The following VWA3B variants were observed in gnomAD, a reference collection of about 807,000 sequenced individuals.
VWA3B encodes the protein von Willebrand factor A domain containing 3B.
In VWA3B, 138 loss-of-function variants were observed where a neutral mutation model predicts 158.3. That is an observed-to-expected ratio of 0.87 (90% confidence interval 0.76 to 1.00). VWA3B has a LOEUF of 1.00. VWA3B is among the 50% of genes least tolerant of loss of function. The pLI is 0.00. For missense variants in VWA3B, 1,555 were observed against 1,565.1 expected, an observed-to-expected ratio of 0.99 and a Z score of 0.11; for synonymous variants, 596 against 587.3, an observed-to-expected ratio of 1.01 and a Z score of -0.21.
chr2:98,305,960 T>C (rs1222679908), intron 26 of VWA3B, among the ~76,000 whole-genome samples: 2 of 152,152 alleles, frequency 1.3e-5, no homozygotes, highest in African/African-American at 2.4e-5. Flanking sequence ...GGCCCAGACC[T>C]GCCTACCTTG....
intron 8 of VWA3B, among the ~76,000 whole-genome samples, chr2:98,174,864 CA>C (rs1316921032): frequency 1.3e-5 from 2 of 152,216 alleles, no homozygotes; most frequent in Non-Finnish European, 2.9e-5. Flanking sequence ...CTGATACACA[CA>C]CAGCTCCTCA....
At chr2:98,212,456 G>A (rs1375895401) in intron 13 of VWA3B, among the ~76,000 whole-genome samples, 1 of 152,162 alleles carries the variant, frequency 6.6e-6, no homozygotes, top group East Asian at 1.9e-4. Context: ...ACAAAAACAT[G>A]CCTTTCTAGC....
At chr2:98,094,818 A>C (rs1469962332) in intron 2 of VWA3B, among the ~76,000 whole-genome samples, 1 of 152,140 alleles carries the variant, frequency 6.6e-6, no homozygotes, top group Non-Finnish European at 1.5e-5. Context: ...ATAAGGGCCT[A>C]ATTTTGTTAT....
At chr2:98,323,279 G>T in the VWA3B span, among the ~76,000 whole-genome samples, 21 of 152,064 alleles carry the variant, frequency 1.4e-4, no homozygotes, top group African/African-American at 5.1e-4. Context: ...AGAGCTAAAA[G>T]TTACTACATA....
intron 16 of VWA3B, among the ~76,000 whole-genome samples, chr2:98,233,227 C>T (rs370686201): frequency 2.2e-4 from 33 of 152,290 alleles, no homozygotes; most frequent in African/African-American, 7.0e-4. Flanking sequence ...TATTGGGAGA[C>T]AATCATGTGC....
intron 2 of VWA3B, among the ~76,000 whole-genome samples, chr2:98,094,479 G>T (rs576777707): frequency 6.6e-6 from 1 of 151,998 alleles, no homozygotes; most frequent in East Asian, 1.9e-4. Context: ...TAAAAACCAG[G>T]TTTAGTTTTA....
chr2:98,317,110 G>T (rs549312640), downstream of VWA3B, among the ~76,000 whole-genome samples: 1 of 152,308 alleles, frequency 6.6e-6, no homozygotes, highest in East Asian at 1.9e-4. Flanking sequence ...AACAAGAAAT[G>T]TGCAAAACCA....
At chr2:98,282,298 T>C (rs971432535) in intron 22 of VWA3B, among the ~76,000 whole-genome samples, 3 of 152,202 alleles carry the variant, frequency 2.0e-5, no homozygotes, top group Non-Finnish European at 4.4e-5. Context: ...GACTGTGCCA[T>C]GATGCAAATG....
At chr2:98,140,078 G>A (rs531308640) in intron 7 of VWA3B, among the ~76,000 whole-genome samples, 41 of 152,098 alleles carry the variant, frequency 2.7e-4, no homozygotes, top group Middle Eastern at 6.8e-3. Context: ...CTTCACTCCT[G>A]AGCCAGCGAG....
chr2:98,168,798 T>C (rs1679331731), intron 8 of VWA3B, among the ~76,000 whole-genome samples: 1 of 151,834 alleles, frequency 6.6e-6, no homozygotes, highest in Non-Finnish European at 1.5e-5. Context: ...GACAGACATA[T>C]GAAAAAAAGA....
At chr2:98,119,407 T>C (rs1466065690) in intron 3 of VWA3B, 106 bp from the exon 4 acceptor site, 22 of 1,272,826 alleles carry the variant, frequency 1.7e-5, no homozygotes, top group Non-Finnish European at 2.4e-5. Context: ...GTTTGGAGGG[T>C]CATTGACAAC....
At chr2:98,182,662 G>A (rs1006365713) in intron 9 of VWA3B, among the ~76,000 whole-genome samples, 14 of 152,198 alleles carry the variant, frequency 9.2e-5, no homozygotes, top group African/African-American at 3.4e-4. Flanking sequence ...GCTTACGTCT[G>A]TAATCCCAGC....
chr2:98,204,366 C>G (rs1682834023), intron 12 of VWA3B, among the ~76,000 whole-genome samples: 1 of 152,200 alleles, frequency 6.6e-6, no homozygotes, highest in African/African-American at 2.4e-5. Flanking sequence ...TCAGTCTTCT[C>G]CCATTAAGTA....
intron 1 of VWA3B, among the ~76,000 whole-genome samples, chr2:98,088,653 G>A (rs971627061): frequency 8.6e-5 from 13 of 151,966 alleles, no homozygotes; most frequent in African/African-American, 3.1e-4. Context: ...CCGACTTCTG[G>A]GTTACTTGGT....
chr2:98,178,404 G>T (rs1680193795), intron 8 of VWA3B, among the ~76,000 whole-genome samples: 1 of 152,136 alleles, frequency 6.6e-6, no homozygotes, highest in South Asian at 2.1e-4. Context: ...AAGGACATGG[G>T]TCTCATGAAG....
chr2:98,330,159 T>C, the VWA3B span, among the ~76,000 whole-genome samples: 1 of 152,170 alleles, frequency 6.6e-6, no homozygotes, highest in Non-Finnish European at 1.5e-5. Flanking sequence ...CTATTCAAGG[T>C]GCAGGGGATA....
intron 23 of VWA3B, among the ~76,000 whole-genome samples, chr2:98,297,591 C>T (rs548176570): frequency 5.9e-5 from 9 of 152,220 alleles, no homozygotes; most frequent in Middle Eastern, 3.4e-3. Flanking sequence ...AGGAGGTGTT[C>T]GAGAAGAGGA....
intron 12 of VWA3B, among the ~76,000 whole-genome samples, chr2:98,211,198 T>G (rs1470564136): frequency 6.6e-6 from 1 of 152,146 alleles, no homozygotes; most frequent in Non-Finnish European, 1.5e-5. Context: ...TCAACCACAG[T>G]TGGTTTTCTT....
intron 5 of VWA3B, among the ~76,000 whole-genome samples, chr2:98,124,544 A>G (rs951577113): frequency 6.6e-6 from 1 of 152,226 alleles, no homozygotes. Flanking sequence ...GGGCTGAGAC[A>G]GCAGAGGGTT....
Sources: allele counts gnomAD v4.1 joint callset (sites outside exome capture counted in the v4.1 genomes callset), GRCh38; gene constraint gnomAD v4.1.1; transcripts MANE v1.5; gene names NCBI Gene and HGNC (gene_info 2026-07-23, HGNC 2026-07-21).